Variants in NEGR1 observed in about 807,000 individuals in gnomAD.
NEGR1 encodes the protein IgLON family member 4.
In NEGR1, 10 loss-of-function variants were observed where a neutral mutation model predicts 40.9. The ratio of observed to expected loss-of-function variants is 0.24; its 90% confidence interval spans 0.15 to 0.42. The LOEUF (loss-of-function observed/expected upper bound fraction) is 0.42. Among genes scored for constraint, NEGR1 ranks in the 10% least tolerant of loss-of-function variants. The probability of loss-of-function intolerance (pLI) is 1.00; values close to 1 mark genes in which losing one functional copy is unlikely to be tolerated. For synonymous variants in NEGR1, 185 were observed against 166.8 expected (o/e 1.11, Z -0.84); for missense variants, 352 against 438.9 (o/e 0.80, Z 1.77).
chr1:72,199,228 TAAAGGGGCTGCATAACATGTATACTGC>T (rs1653114453), intron 1 of NEGR1, among the ~76,000 whole-genome samples: 1 of 148,150 alleles, frequency 6.7e-6, no homozygotes, highest in South Asian at 2.1e-4. Context: ...ATGTATACTG[TAAAGGGGCTGCATAACATGTATACTGC>T]GCTACTCTGG....
At chr1:71,888,047 A>C (rs1660777562) in intron 2 of NEGR1, among the ~76,000 whole-genome samples, 5 of 151,766 alleles carry the variant, frequency 3.3e-5, no homozygotes, top group Admixed American at 3.3e-4. Flanking sequence ...CTCTAGAATA[A>C]AAAGCTCATG....
At chr1:72,258,215 G>A (rs532318090) in intron 1 of NEGR1, among the ~76,000 whole-genome samples, 1 of 152,242 alleles carries the variant, frequency 6.6e-6, no homozygotes, top group Admixed American at 6.5e-5. Flanking sequence ...AAAACTCAAG[G>A]AGGTGGTAGG....
intron 3 of NEGR1, among the ~76,000 whole-genome samples, chr1:71,700,125 A>G (rs1653637533): frequency 6.6e-6 from 1 of 151,996 alleles, no homozygotes; most frequent in Non-Finnish European, 1.5e-5. Flanking sequence ...TTAGCCAATG[A>G]TTGATCATGT....
chr1:71,704,197 ACACAC>A (rs1653809808), intron 3 of NEGR1, among the ~76,000 whole-genome samples: 1 of 150,872 alleles, frequency 6.6e-6, no homozygotes, highest in Non-Finnish European at 1.5e-5. Flanking sequence ...ACACACACAC[ACACAC>A]AAGATTTAAA....
At chr1:72,241,519 C>T (rs113368585) in intron 1 of NEGR1, among the ~76,000 whole-genome samples, 2,303 of 151,574 alleles carry the variant, frequency 0.015, 19 homozygotes, top group Middle Eastern at 0.041. Flanking sequence ...AAACTAACTA[C>T]TCATGTTTTG....
intron 1 of NEGR1, among the ~76,000 whole-genome samples, chr1:72,111,108 A>T (rs1240093767): frequency 6.7e-6 from 1 of 150,208 alleles, no homozygotes; most frequent in Non-Finnish European, 1.5e-5. Flanking sequence ...ACACACACAC[A>T]CACGTATATA....
At position 71,954,725 on chromosome 1, in the gene NEGR1, G is replaced by GGGA. The variant is rs1646104826; in HGVS notation, c.177-19415_177-19414insTCC. On this transcript the variant is annotated intron_variant, in intron 1 of 6. Transcript: ENST00000357731. ...TTTTCTGACTTCCAAAAAGGAAATT[G>GGGA]GAGAAATCAAGAAATTAAAAACACA... Among the ~76,000 whole-genome samples the GGGA allele has an allele frequency of 3.9e-5, 6 of 152,074 alleles. No individual in the cohort carries two copies. In the South Asian group the frequency reaches 1.2e-3, roughly 32 times the overall value.
chr1:72,106,100 G>T (rs1649123777), intron 1 of NEGR1, among the ~76,000 whole-genome samples: 1 of 151,984 alleles, frequency 6.6e-6, no homozygotes, highest in Admixed American at 6.6e-5. Flanking sequence ...GAAACATAAA[G>T]AAATGTGAAG....
chr1:72,229,981 T>C (rs1265464430), intron 1 of NEGR1, among the ~76,000 whole-genome samples: 1 of 152,098 alleles, frequency 6.6e-6, no homozygotes. Context: ...TTAGAATATA[T>C]CATACAGATA....
chr1:71,966,462 T>C (rs1646210291), intron 1 of NEGR1, among the ~76,000 whole-genome samples: 1 of 152,154 alleles, frequency 6.6e-6, no homozygotes, highest in Non-Finnish European at 1.5e-5. Flanking sequence ...TACTCTCAGC[T>C]TGGACATATT....
chr1:72,067,331 T>G (rs1440541818), intron 1 of NEGR1, among the ~76,000 whole-genome samples: 1 of 152,062 alleles, frequency 6.6e-6, no homozygotes, highest in African/African-American at 2.4e-5. Context: ...TCAAACTGGT[T>G]TGTAAAAAGT....
At chr1:71,732,555 A>G (rs923274948) in intron 3 of NEGR1, among the ~76,000 whole-genome samples, 4 of 151,810 alleles carry the variant, frequency 2.6e-5, no homozygotes, top group African/African-American at 7.3e-5. Context: ...TTTTAGAGGC[A>G]TTCGTGTTGA....
chr1:71,674,647 T>C (rs1261087909), intron 4 of NEGR1, among the ~76,000 whole-genome samples: 4 of 151,536 alleles, frequency 2.6e-5, no homozygotes, highest in Non-Finnish European at 5.9e-5. Context: ...AGCACTGTAT[T>C]CTAAAATGTG....
intron 1 of NEGR1, among the ~76,000 whole-genome samples, chr1:72,122,391 C>A (rs139388944): frequency 6.6e-6 from 1 of 151,914 alleles, no homozygotes; most frequent in Non-Finnish European, 1.5e-5. Flanking sequence ...TGTACAAATA[C>A]GCGATTTCAT....
chr1:71,650,314 T>C (rs1028351084), intron 4 of NEGR1, among the ~76,000 whole-genome samples: 3 of 152,126 alleles, frequency 2.0e-5, no homozygotes, highest in Non-Finnish European at 4.4e-5. Context: ...AGTTATAGCT[T>C]ACACTATTTA....
At chr1:71,691,107 A>G (rs1196319368) in intron 4 of NEGR1, among the ~76,000 whole-genome samples, 1 of 151,992 alleles carries the variant, frequency 6.6e-6, no homozygotes, top group Non-Finnish European at 1.5e-5. Flanking sequence ...TAAACTGGAT[A>G]TCAGACTCAT....
chr1:71,588,842 A>G (rs1169609119), intron 6 of NEGR1, among the ~76,000 whole-genome samples: 7 of 152,136 alleles, frequency 4.6e-5, no homozygotes, highest in African/African-American at 1.4e-4. Flanking sequence ...TAGTTCATCA[A>G]ATGTTAGGGT....
At chr1:72,151,489 C>A (rs1291597464) in intron 1 of NEGR1, among the ~76,000 whole-genome samples, 3 of 151,230 alleles carry the variant, frequency 2.0e-5, no homozygotes, top group African/African-American at 7.3e-5. Flanking sequence ...TATAGCGACA[C>A]CCCCACATAC....
Position 71,577,822 on chromosome 1 carries a change from T to C in NEGR1, c.940+14995A>G, listed in dbSNP as rs11209796. On this transcript the variant is annotated intron_variant, in intron 6 of 6. Transcript: ENST00000357731. ...GCCTATCTCACGTTGAATTCAACTA[T>C]TGTTAAATCACAAAAGATAATAATG... Among the ~76,000 whole-genome samples the C allele has an allele frequency of 0.01, 1,587 of 152,272 alleles. 80 individuals are homozygous for C. In the East Asian group the frequency reaches 0.16, roughly 15 times the overall value.
Sources: gnomAD v4.1 joint callset for allele counts (sites outside exome capture counted in the v4.1 genomes callset) on GRCh38, gnomAD v4.1.1 for gene constraint, MANE v1.5 for transcripts, NCBI Gene and HGNC (gene_info 2026-07-23, HGNC 2026-07-21) for gene names.